CCNH: variants seen among roughly 807,000 people sequenced by gnomAD.
CCNH encodes cyclin-H.
A neutral mutation model predicts 41.9 loss-of-function variants in CCNH; 31 were observed. That is an observed-to-expected ratio of 0.74 (90% confidence interval 0.56 to 1.00). The LOEUF (loss-of-function observed/expected upper bound fraction) is 1.00. Ranked by LOEUF, CCNH falls within the 50% of genes least tolerant of loss-of-function variation. The pLI is 0.00. For synonymous variants in CCNH, 138 were observed against 136.1 expected, an observed-to-expected ratio of 1.01 and a Z score of -0.10; for missense variants, 362 against 388.4, an observed-to-expected ratio of 0.93 and a Z score of 0.57.
At chr5:87,312,218 C>T in the CCNH span, among the ~76,000 whole-genome samples, 1 of 152,092 alleles carries the variant, frequency 6.6e-6, no homozygotes, top group Non-Finnish European at 1.5e-5. Flanking sequence ...TTATATGTAA[C>T]TTTAGTAAGT....
intron 9 of CCNH, among the ~76,000 whole-genome samples, chr5:87,367,171 A>G (rs1402857583): frequency 6.6e-6 from 1 of 152,250 alleles, no homozygotes; most frequent in African/African-American, 2.4e-5. Context: ...GGCAAATAGC[A>G]TTAACAAAGT....
Position 87,338,536 on chromosome 5 carries a change from A to ATATATATATATATATATT in CCNH, c.*91-19640_*91-19639insAATATATATATATATATA. 8.3e-4 allele frequency among the ~76,000 whole-genome samples: 71 copies of ATATATATATATATATATT among 85,160 alleles called. 1 individual carries two copies. Among genetic ancestry groups the ATATATATATATATATATT allele is most frequent in the Middle Eastern group, 7.5e-3 (1 of 134 alleles). The allele number at this position is 85,160 out of a possible 152,430, so 55.9% of individuals were successfully genotyped here. On this transcript the variant is annotated intron_variant and NMD_transcript_variant, in intron 9 of 9. Coordinates refer to the CCNH transcript ENST00000645953. Reference sequence around the variant, plus strand: ...ATATATATATATATATATATATAAAATTTTTTTTTTTTTTAAGTAGAAATG... The same window carrying ATATATATATATATATATT: ...ATATATATATATATATATATATAAAATATATATATATATATATTTTTTTTTTTTTTTTAAGTAGAAATG...
intron 9 of CCNH, among the ~76,000 whole-genome samples, chr5:87,320,569 G>A (rs923728979): frequency 5.9e-5 from 9 of 152,242 alleles, no homozygotes; most frequent in South Asian, 2.1e-4. Flanking sequence ...GTGGGGAAGC[G>A]CCACACACTT....
intron 9 of CCNH, among the ~76,000 whole-genome samples, chr5:87,325,688 G>T (rs1253284929): frequency 2.6e-5 from 4 of 152,198 alleles, no homozygotes; most frequent in Admixed American, 6.5e-5. Flanking sequence ...TAATCTGCTG[G>T]TAACTTCAAT....
chr5:87,392,773 T>C (rs1383171324), downstream of CCNH: 1 of 158,114 alleles, frequency 6.3e-6, no homozygotes, highest in East Asian at 1.9e-4. Context: ...TACTTACCTT[T>C]GTAGGCCCTC....
At chr5:87,404,244 C>A (rs1403161305) in intron 5 of CCNH, among the ~76,000 whole-genome samples, 3 of 152,096 alleles carry the variant, frequency 2.0e-5, no homozygotes, top group Non-Finnish European at 4.4e-5. Context: ...GAAATAAAAA[C>A]TAAATACAAT....
chr5:87,333,089 A>T (rs921775798), intron 9 of CCNH, among the ~76,000 whole-genome samples: 1 of 152,148 alleles, frequency 6.6e-6, no homozygotes, highest in Non-Finnish European at 1.5e-5. Context: ...TCATAAAAAC[A>T]GGAACAACAA....
chr5:87,358,516 T>TGA (rs1281678303), intron 9 of CCNH, among the ~76,000 whole-genome samples: 1 of 152,236 alleles, frequency 6.6e-6, no homozygotes, highest in Non-Finnish European at 1.5e-5. Context: ...CTTCAAAGTA[T>TGA]GTCTAGAATA....
intron 9 of CCNH, chr5:87,362,592 A>G (rs1222873568): frequency 1.9e-6 from 3 of 1,596,992 alleles, no homozygotes; most frequent in East Asian, 4.5e-5. Context: ...ATGGCAAGGA[A>G]ATCTATAATA....
intron 1 of CCNH, chr5:87,412,458 G>A: frequency 7.1e-7 from 1 of 1,403,750 alleles, no homozygotes; most frequent in Non-Finnish European, 9.3e-7. Flanking sequence ...ACGTTACAAA[G>A]ACTGGTTACT....
downstream of CCNH, chr5:87,374,330 AT>A: frequency 1.3e-6 from 2 of 1,595,996 alleles, no homozygotes; most frequent in Non-Finnish European, 1.7e-6. Flanking sequence ...AGTAAGTCTT[AT>A]TTTATCATTA....
intron 6 of CCNH, 134 bp from the exon 7 acceptor site, chr5:87,399,639 T>G (rs1763246868): frequency 1.5e-6 from 1 of 653,684 alleles, no homozygotes. Flanking sequence ...AGGATTTGCA[T>G]CATTCTGCAT....
At chr5:87,392,384 T>A (rs1762589773), downstream of CCNH, 1 of 454,998 alleles carries the variant, frequency 2.2e-6, no homozygotes, top group Non-Finnish European at 4.4e-6. Flanking sequence ...TTAACACTGA[T>A]ACCAAAAATC....
chr5:87,349,504 TC>T (rs1759105048), intron 9 of CCNH: 1 of 997,896 alleles, frequency 1.0e-6, no homozygotes, highest in Non-Finnish European at 1.5e-6. Context: ...TTCATAGTAG[TC>T]ATGCCCAAGA....
downstream of CCNH, chr5:87,387,049 CAAAA>C (rs1336379059): frequency 2.9e-6 from 2 of 694,150 alleles, no homozygotes; most frequent in Admixed American, 2.7e-5. Context: ...CCTTCCTAAA[CAAAA>C]AACATATTTT....
chr5:87,372,104 GT>G, downstream of CCNH: 1 of 1,611,962 alleles, frequency 6.2e-7, no homozygotes, highest in South Asian at 1.1e-5. Context: ...TTGAAGTGCT[GT>G]TTTTCTTTGC....
rs537556907 is a variant in CCNH at position 87,394,472 on chromosome 5, C to G, written c.946G>C (p.Asp316His). Reference protein sequence around the residue: ...KSKHEEEEWTDDDLVESL With the variant: ...KSKHEEEEWTHDDLVESL ...TAGAGAGATTCTACCAGGTCGTCAT[C>G]AGTCCATTCTTCCTAAGAAGGAAAA... is the stretch of plus-strand genomic sequence containing the variant. The change falls in exon 9 of 9, where the codon GAT becomes CAT. Residue 316 changes from aspartate (D) to histidine (H), a missense_variant. Transcript: ENST00000256897. 1 of 1,613,462 alleles carries G rather than the reference C, an allele frequency of 6.2e-7. No homozygotes were observed. Among genetic ancestry groups the G allele is most frequent in the Non-Finnish European group, 8.5e-7 (1 of 1,179,688 alleles).
At position 87,405,015 on chromosome 5, in the gene CCNH, G is replaced by A. The variant is rs149293260; in HGVS notation, c.526-8C>T. ...CAATATGGGATAGCGGGTCTACAAAGAAAGTTTGCAAATGTTACCATTTCT... is the reference window on the plus strand; with the variant it reads ...CAATATGGGATAGCGGGTCTACAAAAAAAGTTTGCAAATGTTACCATTTCT... On this transcript the variant is annotated splice_region_variant and splice_polypyrimidine_tract_variant and intron_variant, in intron 4 of 8. Coordinates refer to ENST00000256897, the MANE Select transcript of CCNH (RefSeq NM_001239.4). 6.2e-7 allele frequency: 1 copy of A among 1,603,526 alleles called. No homozygotes were observed. Among genetic ancestry groups the A allele is most frequent in the African/African-American group, 1.3e-5 (1 of 74,420 alleles).
downstream of CCNH, among the ~76,000 whole-genome samples, chr5:87,372,588 T>C (rs1009188449): frequency 6.6e-6 from 1 of 152,194 alleles, no homozygotes; most frequent in Non-Finnish European, 1.5e-5. Context: ...GAACAGCTTT[T>C]AAAACCTACT....
Sources: gnomAD v4.1 joint callset for allele counts (sites outside exome capture counted in the v4.1 genomes callset) on GRCh38, gnomAD v4.1.1 for gene constraint, MANE v1.5 for transcripts, NCBI Gene and HGNC (gene_info 2026-07-23, HGNC 2026-07-21) for gene names.